The following DYNC2LI1 variants were observed in gnomAD, a reference collection of about 807,000 sequenced individuals.
The protein encoded by DYNC2LI1 is dynein cytoplasmic 2 light intermediate chain 1, also known as cytoplasmic dynein 2 light intermediate chain 1.
Under a neutral mutation model 51.9 loss-of-function variants are expected in DYNC2LI1, and 45 were observed. That is an observed-to-expected ratio of 0.87 (90% CI 0.68 to 1.11). DYNC2LI1 has a LOEUF of 1.11. DYNC2LI1 is among the 50% of genes most tolerant of loss of function. The probability of loss-of-function intolerance (pLI) is 0.00; values close to 1 mark genes in which losing one functional copy is unlikely to be tolerated. For missense variants in DYNC2LI1, 490 were observed against 417.4 expected (o/e 1.17, Z -1.51); for synonymous variants, 130 against 137.8 (o/e 0.94, Z 0.40).
intron 9 of DYNC2LI1, 30 bp downstream of exon 9, chr2:43,800,947 A>AT: frequency 7.1e-7 from 1 of 1,417,386 alleles, no homozygotes; most frequent in South Asian, 1.2e-5. Context: ...TATATCATTT[A>AT]TTGAGTGATT....
intron 2 of DYNC2LI1, among the ~76,000 whole-genome samples, chr2:43,780,447 C>T (rs141172280): frequency 2.2e-4 from 34 of 152,180 alleles, no homozygotes; most frequent in African/African-American, 6.0e-4. Context: ...TAAACTGATA[C>T]GAGCCTCTGA....
intron 5 of DYNC2LI1, among the ~76,000 whole-genome samples, chr2:43,792,018 T>C (rs1277689681): frequency 6.6e-6 from 1 of 152,098 alleles, no homozygotes; most frequent in Non-Finnish European, 1.5e-5. Context: ...TTTGAAAAAA[T>C]AATAAATTTT....
chr2:43,800,001 A>T (rs1356034074), intron 8 of DYNC2LI1, among the ~76,000 whole-genome samples: 1 of 152,188 alleles, frequency 6.6e-6, no homozygotes, highest in East Asian at 1.9e-4. Context: ...TATCTTGTGG[A>T]ATTACCATTG....
intron 11 of DYNC2LI1, 129 bp downstream of exon 11, chr2:43,804,868 G>T: frequency 1.7e-6 from 1 of 589,514 alleles, no homozygotes; most frequent in Non-Finnish European, 2.8e-6. Context: ...TTAAACATTT[G>T]CTGAAAATGT....
At chr2:43,814,943 T>C (rs572563022), downstream of DYNC2LI1, among the ~76,000 whole-genome samples, 2 of 152,236 alleles carry the variant, frequency 1.3e-5, no homozygotes, top group Non-Finnish European at 2.9e-5. Context: ...TTGTCATTTT[T>C]AGGCACAGCT....
the DYNC2LI1 span, chr2:43,824,777 A>G: frequency 7.8e-6 from 12 of 1,533,984 alleles, no homozygotes; most frequent in Non-Finnish European, 8.9e-6. Context: ...AGTATAAAAC[A>G]CAAAAACAAA....
At chr2:43,819,856 T>G in the DYNC2LI1 span, 7 of 1,561,054 alleles carry the variant, frequency 4.5e-6, no homozygotes, top group African/African-American at 1.4e-5. Flanking sequence ...CAGTCATTAT[T>G]AGGTGATCAT....
chr2:43,805,117 T>G, intron 11 of DYNC2LI1, 37 bp from the exon 12 acceptor site: 1 of 1,439,492 alleles, frequency 6.9e-7, no homozygotes, highest in Non-Finnish European at 9.7e-7. Context: ...AATTTTGGTT[T>G]ATGGGCGTGA....
chr2:43,827,211 G>A, the DYNC2LI1 span, among the ~76,000 whole-genome samples: 1 of 151,946 alleles, frequency 6.6e-6, no homozygotes, highest in Non-Finnish European at 1.5e-5. Context: ...TGTAATCCCA[G>A]CTACTCAGGA....
chr2:43,804,432 A>G (rs1171639838), intron 10 of DYNC2LI1, among the ~76,000 whole-genome samples: 1 of 152,188 alleles, frequency 6.6e-6, no homozygotes, highest in Non-Finnish European at 1.5e-5. Context: ...CAGTTTACCC[A>G]TTACTCTTTG....
the DYNC2LI1 span, among the ~76,000 whole-genome samples, chr2:43,825,532 T>A: frequency 2.0e-5 from 3 of 152,244 alleles, no homozygotes; most frequent in Non-Finnish European, 4.4e-5. Flanking sequence ...CCAACTTGGC[T>A]GTGAAAGGCT....
downstream of DYNC2LI1, chr2:43,810,657 G>A (rs995041956): frequency 1.2e-5 from 4 of 342,776 alleles, no homozygotes; most frequent in African/African-American, 8.9e-5. Flanking sequence ...CAGATAGCAA[G>A]CCATCTGCTT....
the DYNC2LI1 span, chr2:43,826,551 G>C: frequency 6.2e-7 from 1 of 1,614,022 alleles, no homozygotes; most frequent in Non-Finnish European, 8.5e-7. Flanking sequence ...AGACTTCTAA[G>C]GTAGTGCAGA....
downstream of DYNC2LI1, chr2:43,812,822 A>T: frequency 2.8e-6 from 1 of 352,166 alleles, no homozygotes; most frequent in Admixed American, 4.4e-5. Flanking sequence ...AGGAAAAAAA[A>T]TAGTCACACG....
At chr2:43,798,001 C>A (rs1665941834) in intron 8 of DYNC2LI1, among the ~76,000 whole-genome samples, 1 of 152,052 alleles carries the variant, frequency 6.6e-6, no homozygotes, top group Non-Finnish European at 1.5e-5. Context: ...GTGGCACACA[C>A]CAGTTGTCTC....
downstream of DYNC2LI1, chr2:43,814,366 T>G (rs1283193947): frequency 1.3e-6 from 1 of 744,438 alleles, no homozygotes. Context: ...AAACAGAGTT[T>G]TAAATTGAAT....
intron 3 of DYNC2LI1, among the ~76,000 whole-genome samples, chr2:43,784,575 C>T (rs1673434620): frequency 1.3e-5 from 2 of 152,068 alleles, no homozygotes; most frequent in African/African-American, 2.4e-5. Context: ...GCTGGGATTA[C>T]AGGCATGTGC....
intron 2 of DYNC2LI1, among the ~76,000 whole-genome samples, chr2:43,782,007 G>GTC (rs1385142141): frequency 6.7e-6 from 1 of 148,788 alleles, no homozygotes; most frequent in Non-Finnish European, 1.5e-5. Context: ...GTTTGTTTCT[G>GTC]TCTATGTGTG....
intron 5 of DYNC2LI1, chr2:43,793,632 G>T (rs950160707): frequency 1.3e-5 from 2 of 149,524 alleles, no homozygotes; most frequent in African/African-American, 4.9e-5. Flanking sequence ...GTTGAGTTGG[G>T]GTCTCACTAT....
Sources: gnomAD v4.1 joint callset for allele counts (sites outside exome capture counted in the v4.1 genomes callset) on GRCh38, gnomAD v4.1.1 for gene constraint, MANE v1.5 for transcripts, NCBI Gene and HGNC (gene_info 2026-07-23, HGNC 2026-07-21) for gene names.